Variants in SRC observed in about 807,000 individuals in gnomAD.
SRC encodes SRC proto-oncogene, non-receptor tyrosine kinase.
In SRC, 13 loss-of-function variants were observed where a neutral mutation model predicts 62.9. That is an observed-to-expected ratio of 0.21 (90% CI 0.13 to 0.33). SRC has a LOEUF of 0.33. SRC is among the 10% of genes least tolerant of loss of function. SRC has a pLI of 1.00. For missense variants in SRC, 457 were observed against 737.3 expected (o/e 0.62, Z 4.40); for synonymous variants, 302 against 317.5 (o/e 0.95, Z 0.52).
rs556995998 is a variant in SRC, at chr20:37,396,052, G to A, written c.554-110G>A. On this transcript the variant is annotated intron_variant, in intron 7 of 13. Transcript: ENST00000373578. The surrounding 1 kb of genome is among the most constrained non-coding windows in gnomAD (Gnocchi z 6.1). ...AGAGACAGGGTGGGCCTGGGGCCCC[G>A]CCTGGGCCTCCCTTCCCTCCAATGT... 22 of 1,490,098 alleles carry A rather than the reference G, an allele frequency of 1.5e-5. No homozygotes were observed. Among genetic ancestry groups the A allele is most frequent in the African/African-American group, 4.1e-5 (3 of 72,428 alleles). The allele number at this position is 1,490,098 out of a possible 1,614,324, so 92.3% of individuals were successfully genotyped here.
intron 1 of SRC, among the ~76,000 whole-genome samples, chr20:37,353,042 A>G (rs999245531): frequency 6.6e-6 from 1 of 152,194 alleles, no homozygotes; most frequent in Non-Finnish European, 1.5e-5. Flanking sequence ...GACAAGTCAT[A>G]GGATTCTTTT....
chr20:37,350,836 T>G (rs1360823753), intron 1 of SRC, among the ~76,000 whole-genome samples: 1 of 152,076 alleles, frequency 6.6e-6, no homozygotes, highest in African/African-American at 2.4e-5. Context: ...TGGGAAAGAG[T>G]GCTGTGATAG....
At chr20:37,379,399 A>G (rs1339768524) in intron 2 of SRC, among the ~76,000 whole-genome samples, 1 of 152,056 alleles carries the variant, frequency 6.6e-6, no homozygotes, top group Non-Finnish European at 1.5e-5. Flanking sequence ...CAGGAAGTGC[A>G]AGGATAGAGC....
In SRC at chr20:37,372,821, C is replaced by G. The variant is rs1600979113; in HGVS notation, c.-173+7544C>G. 3.3e-5 allele frequency among the ~76,000 whole-genome samples: 5 copies of G among 152,150 alleles called. No homozygotes were observed. The South Asian group carries it at 1.0e-3, about 32-fold the overall frequency. ...ATACATGCTAAGAAAAAAAAACACCCTTACCTATCATATGAGTTGCAATTA... is the reference window on the plus strand; with the variant it reads ...ATACATGCTAAGAAAAAAAAACACCGTTACCTATCATATGAGTTGCAATTA... On this transcript the variant is annotated intron_variant, in intron 2 of 13. Coordinates refer to ENST00000373578, the MANE Select transcript of SRC (RefSeq NM_198291.3).
At chr20:37,395,552 C>T (rs565558310) in intron 7 of SRC, among the ~76,000 whole-genome samples, 2 of 152,330 alleles carry the variant, frequency 1.3e-5, no homozygotes, top group South Asian at 4.1e-4. Context: ...CCCGTTTGAC[C>T]CAGGCAGCCT....
At position 37,403,680 on chromosome 20, in the gene SRC, G is replaced by A; in HGVS notation, c.*301G>A. ...GTCTCTGGAAGAGGAACCAGGAGAA[G>A]GGCTGGGGCCGGGGCTGAGGGTGCC... On this transcript the variant is annotated 3_prime_UTR_variant, in exon 14 of 14. Transcript: ENST00000373578. This position sits in a 1 kb window ranked among gnomAD's most constrained non-coding sequence, Gnocchi z 7.1. 2.2e-6 allele frequency: 1 copy of A among 451,588 alleles called. No homozygotes were observed. Among genetic ancestry groups the A allele is most frequent in the Non-Finnish European group, 4.0e-6 (1 of 247,280 alleles). 28.0% of individuals were successfully genotyped at this position (451,588 alleles called of 1,614,324 possible).
chr20:37,393,433 A>T (rs1226020797), intron 5 of SRC, among the ~76,000 whole-genome samples: 1 of 152,232 alleles, frequency 6.6e-6, no homozygotes, highest in Non-Finnish European at 1.5e-5. Context: ...ATCTCAGAGC[A>T]TGGGGACACT....
intron 5 of SRC, among the ~76,000 whole-genome samples, chr20:37,390,329 AT>A (rs911082955): frequency 9.0e-6 from 1 of 110,930 alleles, no homozygotes; most frequent in Non-Finnish European, 1.9e-5. Context: ...TTTTATTTTT[AT>A]TTTTTAGCTA....
At chr20:37,368,518 C>CTTTTTTTTTTTTTTGTTTTTTTTTTGT (rs2070102489) in intron 2 of SRC, among the ~76,000 whole-genome samples, 1 of 73,898 alleles carries the variant, frequency 1.4e-5, no homozygotes, top group Non-Finnish European at 2.7e-5. Flanking sequence ...CCTATATTTT[C>CTTTTTTTTTTTTTTGTTTTTTTTTTGT]TTTTTTTTTT....
rs779820063 is a variant in SRC at position 37,403,123 on chromosome 20, C to G, written c.1403-48C>G. ...CCCTCCCCATCAGCTTCCCCCACCCCACTTTCCTCACCGGAGCCGGGCTCC... is the reference window on the plus strand; with the variant it reads ...CCCTCCCCATCAGCTTCCCCCACCCGACTTTCCTCACCGGAGCCGGGCTCC... On this transcript the variant is annotated intron_variant, in intron 13 of 13. Transcript: ENST00000373578. This position sits in a 1 kb window ranked among gnomAD's most constrained non-coding sequence, Gnocchi z 7.1. The G allele has an allele frequency of 6.7e-6, 10 of 1,488,666 alleles. No individual in the cohort carries two copies. Among genetic ancestry groups the G allele is most frequent in the Non-Finnish European group, 8.9e-6 (10 of 1,117,688 alleles). The allele number at this position is 1,488,666 out of a possible 1,614,324, so 92.2% of individuals were successfully genotyped here.
chr20:37,390,424 A>C (rs1601005870), intron 5 of SRC, among the ~76,000 whole-genome samples: 1 of 93,938 alleles, frequency 1.1e-5, no homozygotes, highest in African/African-American at 4.3e-5. Flanking sequence ...TTGAGACCGG[A>C]TCTTGCTCTG....
chr20:37,386,898 G>A (rs540822358), intron 5 of SRC, among the ~76,000 whole-genome samples: 16 of 152,384 alleles, frequency 1.0e-4, no homozygotes, highest in Middle Eastern at 3.4e-3. Context: ...GGCAGTGGGC[G>A]AGCCCAGAGT....
Position 37,404,741 on chromosome 20 carries a change from C to T in SRC, c.*1362C>T. The T allele has an allele frequency of 4.3e-6, 1 of 233,400 alleles. No individual in the cohort carries two copies. The highest frequency in any genetic ancestry group is 8.5e-6 in the Non-Finnish European group (1 of 118,092). 14.5% of individuals were successfully genotyped at this position (233,400 alleles called of 1,614,324 possible). ...CTGTGGCAGGACACACATGGTGAGC[C>T]TAGCCCTGGGACATCAGGAGACTGG... On this transcript the variant is annotated 3_prime_UTR_variant, in exon 14 of 14. Transcript: ENST00000373578.
In SRC at chr20:37,354,484, A is replaced by G. The variant is rs1331283092; in HGVS notation, c.-247+8229A>G. Reference sequence around the variant, plus strand: ...TGCAGGGACGGACTTCCAGGACTCAATTTTCTCATCTGTGCCATGCTCTGT... The same window carrying G: ...TGCAGGGACGGACTTCCAGGACTCAGTTTTCTCATCTGTGCCATGCTCTGT... On this transcript the variant is annotated intron_variant, in intron 1 of 13. Transcript: ENST00000373578. Among the ~76,000 whole-genome samples the G allele has an allele frequency of 3.2e-4, 48 of 152,158 alleles. 1 individual carries two copies. Among genetic ancestry groups the G allele is most frequent in the South Asian group, 6.2e-4 (3 of 4,810 alleles).
At chr20:37,385,149 T>A (rs1396626305) in intron 4 of SRC, among the ~76,000 whole-genome samples, 4 of 152,162 alleles carry the variant, frequency 2.6e-5, no homozygotes, top group Non-Finnish European at 5.9e-5. Context: ...CACACGCACA[T>A]GCCGTCAGAA....
chr20:37,352,588 G>A (rs2069821692), intron 1 of SRC, among the ~76,000 whole-genome samples: 1 of 152,182 alleles, frequency 6.6e-6, no homozygotes, highest in Non-Finnish European at 1.5e-5. Context: ...CCGCCTCACT[G>A]AATGGGCCCC....
Position 37,396,297 on chromosome 20 carries a change from T to C in SRC, c.689T>C (p.Val230Ala), listed in dbSNP as rs1466226424. ...CAGTTCAACAGCCTGCAGCAGCTGG[T>C]GGCCTACTACTCCAGTGAGCCAGCC... ...RTQFNSLQQLVAYYSKHADGL... is the reference protein window; with the variant it reads ...RTQFNSLQQLAAYYSKHADGL... Residue 230 changes from valine to alanine, a missense_variant, in exon 8 of 14, where the codon GTG becomes GCG. Physicochemically the swap from Val to Ala is moderately conservative, Grantham distance 64. Around this residue, in one of 4 missense-constraint regions of SRC, gnomAD observed 141 missense variants for 198.4 expected, o/e 0.71. Coordinates refer to ENST00000373578, the MANE Select transcript of SRC (RefSeq NM_198291.3). This position sits in a 1 kb window ranked among gnomAD's most constrained non-coding sequence, Gnocchi z 6.1. The C allele has an allele frequency of 6.2e-7, 1 of 1,613,254 alleles. No individual in the cohort carries two copies. The highest frequency in any genetic ancestry group is 8.5e-7 in the Non-Finnish European group (1 of 1,179,860).
At chr20:37,348,614 G>A (rs1414207425) in intron 1 of SRC, among the ~76,000 whole-genome samples, 1 of 152,088 alleles carries the variant, frequency 6.6e-6, no homozygotes, top group Non-Finnish European at 1.5e-5. Flanking sequence ...GGGAGAGGGA[G>A]CTCTTTTTTC....
Position 37,400,439 on chromosome 20 carries a change from G to A in SRC, c.1039+145G>A, listed in dbSNP as rs2070721036. 2.8e-5 allele frequency: 20 copies of A among 723,340 alleles called. No individual in the cohort carries two copies. The East Asian group carries it at 6.3e-4, about 23-fold the overall frequency. The allele number at this position is 723,340 out of a possible 1,614,324, so 44.8% of individuals were successfully genotyped here. A position where few individuals can be genotyped will look rare whatever the true frequency, so the allele number is the denominator to read the frequency against. On this transcript the variant is annotated intron_variant, in intron 10 of 13. Coordinates refer to ENST00000373578, the MANE Select transcript of SRC (RefSeq NM_198291.3). ...AATTCTCTGTTGCCTGGGCCGGAGT[G>A]TGGTGGTGCAATCATAGCTCACTTC...
Sources: allele counts gnomAD v4.1 joint callset (sites outside exome capture counted in the v4.1 genomes callset), GRCh38; gene constraint gnomAD v4.1.1; regional missense constraint gnomAD v4.1.1; non-coding constraint Gnocchi (gnomAD v3.1); transcripts MANE v1.5; gene names NCBI Gene and HGNC (gene_info 2026-07-23, HGNC 2026-07-21).